The following SV2C variants were observed in gnomAD, a reference collection of about 807,000 sequenced individuals.
SV2C encodes the protein synaptic vesicle glycoprotein 2C.
SV2C carries 49 observed loss-of-function variants against 79.7 expected under a neutral mutation model. The observed-to-expected ratio is 0.61, with a 90% confidence interval of 0.49 to 0.78. The LOEUF (loss-of-function observed/expected upper bound fraction) is 0.78. Among genes scored for constraint, SV2C ranks in the 30% least tolerant of loss-of-function variants. The pLI is 0.00. For synonymous variants in SV2C, 334 were observed against 333.2 expected (o/e 1.00, Z -0.03); for missense variants, 833 against 912.9 (o/e 0.91, Z 1.13).
the SV2C span, among the ~76,000 whole-genome samples, chr5:75,977,003 C>T: frequency 1.3e-3 from 199 of 151,832 alleles, no homozygotes; most frequent in African/African-American, 4.6e-3. Context: ...CAGTGCAATA[C>T]AAATGAAACA....
chr5:75,889,425 T>C, the SV2C span, among the ~76,000 whole-genome samples: 1 of 152,140 alleles, frequency 6.6e-6, no homozygotes, highest in Non-Finnish European at 1.5e-5. Context: ...GCAAAGGACA[T>C]GAACTCATTC....
At chr5:76,212,004 T>G (rs1002337972) in intron 4 of SV2C, among the ~76,000 whole-genome samples, 3 of 152,310 alleles carry the variant, frequency 2.0e-5, no homozygotes, top group South Asian at 2.1e-4. Flanking sequence ...TTTTAAACTC[T>G]TAGGTCACTT....
chr5:76,204,633 T>C (rs1744555035), intron 3 of SV2C, among the ~76,000 whole-genome samples: 1 of 152,216 alleles, frequency 6.6e-6, no homozygotes, highest in Non-Finnish European at 1.5e-5. Context: ...GTAGAATCCC[T>C]TCTCAAGACA....
intron 1 of SV2C, among the ~76,000 whole-genome samples, chr5:76,108,806 T>C (rs1465437054): frequency 1.3e-5 from 2 of 152,202 alleles, no homozygotes; most frequent in Non-Finnish European, 2.9e-5. Context: ...TTAGTTTCAT[T>C]AACTGTGGTG....
chr5:76,225,898 C>T (rs996901215), intron 4 of SV2C, among the ~76,000 whole-genome samples: 12 of 152,166 alleles, frequency 7.9e-5, no homozygotes, highest in African/African-American at 2.9e-4. Flanking sequence ...GCTCATTGGG[C>T]ATCCGTCTGT....
chr5:76,053,157 T>C, the SV2C span, among the ~76,000 whole-genome samples: 8 of 151,194 alleles, frequency 5.3e-5, no homozygotes, highest in Non-Finnish European at 8.8e-5. Context: ...CAGAGAGCTA[T>C]TGCGGATTCT....
chr5:76,316,185 AG>A (rs765444387), intron 12 of SV2C, among the ~76,000 whole-genome samples: 2 of 152,258 alleles, frequency 1.3e-5, no homozygotes, highest in African/African-American at 2.4e-5. Flanking sequence ...TATGACTGGA[AG>A]TACACTAAAG....
chr5:75,894,169 C>T, the SV2C span, among the ~76,000 whole-genome samples: 1 of 152,018 alleles, frequency 6.6e-6, no homozygotes, highest in Non-Finnish European at 1.5e-5. Context: ...AATTAGATGG[C>T]TGTGGCAGTA....
intron 12 of SV2C, among the ~76,000 whole-genome samples, chr5:76,317,984 T>G (rs1211279650): frequency 5.9e-5 from 9 of 152,090 alleles, no homozygotes; most frequent in African/African-American, 4.8e-5. Flanking sequence ...CCTTTTCTTC[T>G]TCCTAGGAGC....
At chr5:75,927,491 G>T in the SV2C span, among the ~76,000 whole-genome samples, 3 of 151,852 alleles carry the variant, frequency 2.0e-5, no homozygotes, top group East Asian at 1.9e-4. Flanking sequence ...GCTACGGGAT[G>T]GGGGGAGGGG....
chr5:76,165,862 A>G (rs13165397), intron 2 of SV2C, among the ~76,000 whole-genome samples: 15,928 of 152,238 alleles, frequency 0.1, 946 homozygotes, highest in Non-Finnish European at 0.13. Flanking sequence ...AGTACAGAGC[A>G]GAGTGGAAAG....
At chr5:76,131,514 C>CA (rs35999597) in intron 1 of SV2C, 136 bp from the exon 2 acceptor site, 10,990 of 156,790 alleles carry the variant, frequency 0.07, 140 homozygotes, top group African/African-American at 0.093. Context: ...ACAGTGAGAT[C>CA]AAAAAAAAAA....
At chr5:76,272,850 A>G (rs1471430288) in intron 4 of SV2C, among the ~76,000 whole-genome samples, 2 of 152,114 alleles carry the variant, frequency 1.3e-5, no homozygotes, top group African/African-American at 4.8e-5. Context: ...AATCAGCATA[A>G]TTGATTTGTT....
the SV2C span, among the ~76,000 whole-genome samples, chr5:75,856,955 C>CTTT: frequency 0.019 from 2,384 of 128,434 alleles, 105 homozygotes; most frequent in African/African-American, 0.069. Flanking sequence ...GTCTTTAATC[C>CTTT]TTTTTTTTTT....
chr5:75,860,780 C>A, the SV2C span, among the ~76,000 whole-genome samples: 2 of 152,100 alleles, frequency 1.3e-5, no homozygotes, highest in Admixed American at 1.3e-4. Context: ...GAAATAAAAC[C>A]ACACACCTAC....
At chr5:76,309,428 G>A (rs990253620) in intron 12 of SV2C, among the ~76,000 whole-genome samples, 3 of 151,664 alleles carry the variant, frequency 2.0e-5, no homozygotes, top group African/African-American at 4.8e-5. Context: ...GTGAAACCCC[G>A]TCTCTACTAA....
chr5:76,183,657 C>G (rs1371492831), intron 2 of SV2C, among the ~76,000 whole-genome samples: 1 of 152,118 alleles, frequency 6.6e-6, no homozygotes, highest in Non-Finnish European at 1.5e-5. Flanking sequence ...AACTTTTCCT[C>G]CAGCCTTCTC....
chr5:76,006,939 A>G, the SV2C span, among the ~76,000 whole-genome samples: 1 of 152,132 alleles, frequency 6.6e-6, no homozygotes, highest in African/African-American at 2.4e-5. Context: ...CTTCGTCATC[A>G]TCAACAACAT....
the SV2C span, among the ~76,000 whole-genome samples, chr5:75,963,532 C>G: frequency 6.6e-6 from 1 of 152,058 alleles, no homozygotes; most frequent in Non-Finnish European, 1.5e-5. Flanking sequence ...GATTCTTCTT[C>G]TTTTTAAGTA....
Sources: gnomAD v4.1 joint callset for allele counts (sites outside exome capture counted in the v4.1 genomes callset) on GRCh38, gnomAD v4.1.1 for gene constraint, MANE v1.5 for transcripts, NCBI Gene and HGNC (gene_info 2026-07-23, HGNC 2026-07-21) for gene names.